The following CCNB3 variants were observed in gnomAD, a reference collection of about 807,000 sequenced individuals.
CCNB3 encodes the protein G2/mitotic-specific cyclin-B3.
CCNB3 carries 12 observed loss-of-function variants against 68.0 expected under a neutral mutation model. That is an observed-to-expected ratio of 0.18 (90% CI 0.11 to 0.29). The LOEUF is 0.29. CCNB3 is among the 10% of genes least tolerant of loss of function. The pLI is 1.00. For missense variants in CCNB3, 904 were observed against 993.1 expected (o/e 0.91, Z 1.21); for synonymous variants, 354 against 388.9 (o/e 0.91, Z 1.06).
Position 50,295,003 on chromosome X carries a change from A to C in CCNB3, c.335+10A>C. 8.4e-7 allele frequency: 1 copy of C among 1,196,828 alleles called. No homozygotes were observed. The highest frequency in any genetic ancestry group is 1.1e-6 in the Non-Finnish European group (1 of 886,515). ...AGCGGAATCTAAAATGGTGAGTGAA[A>C]GGGGACTCAGATGGCATTATTTTAG... On this transcript the variant is annotated intron_variant, in intron 5 of 12. Transcript: ENST00000376042.
chrX:50,287,534 A>C (rs1440313321), intron 3 of CCNB3, among the ~76,000 whole-genome samples: 1 of 112,199 alleles, frequency 8.9e-6, no homozygotes, highest in African/African-American at 3.2e-5. Flanking sequence ...ATCTTCAAGG[A>C]CTGTAAGGCA....
At chrX:50,221,663 A>G (rs907057054) in intron 1 of CCNB3, among the ~76,000 whole-genome samples, 231 of 111,519 alleles carry the variant, frequency 2.1e-3, no homozygotes, top group African/African-American at 6.5e-3. Context: ...GTTCTTTTGC[A>G]TTTGCTGAGG....
intron 1 of CCNB3, among the ~76,000 whole-genome samples, chrX:50,225,297 A>T (rs1935734806): frequency 9.0e-6 from 1 of 111,333 alleles, no homozygotes; most frequent in Admixed American, 9.7e-5. Flanking sequence ...AATACCAGGT[A>T]CAGAGAGTTT....
At chrX:50,342,379 T>C in intron 9 of CCNB3, 40 bp downstream of exon 9, 1 of 1,132,201 alleles carries the variant, frequency 8.8e-7, no homozygotes, top group South Asian at 2.1e-5. Flanking sequence ...CTAATCAAGT[T>C]TCTGTCCAAC....
At chrX:50,319,809 TA>T (rs1921923121) in intron 8 of CCNB3, among the ~76,000 whole-genome samples, 1 of 112,013 alleles carries the variant, frequency 8.9e-6, no homozygotes, top group Admixed American at 9.5e-5. Context: ...CTGCGTAATA[TA>T]TTTTTTTATC....
At chrX:50,329,922 TAGAAATTTATTCTG>T (rs1211613691) in intron 8 of CCNB3, among the ~76,000 whole-genome samples, 2 of 112,180 alleles carry the variant, frequency 1.8e-5, no homozygotes, top group Non-Finnish European at 1.9e-5. Flanking sequence ...CTTTTCTGCT[TAGAAATTTATTCTG>T]CCAGATATCC....
intron 8 of CCNB3, chrX:50,341,673 G>A (rs1923154613): frequency 9.1e-6 from 1 of 110,065 alleles, no homozygotes; most frequent in African/African-American, 3.3e-5. Context: ...AGGGAAGGAG[G>A]TTATATTATT....
At chrX:50,226,287 A>ATATAGAATATATATATT (rs1935789041) in intron 1 of CCNB3, among the ~76,000 whole-genome samples, 13 of 64,677 alleles carry the variant, frequency 2.0e-4, no homozygotes, top group Non-Finnish European at 2.8e-4. Flanking sequence ...ATATTTATAT[A>ATATAGAATATATATATT]TATAGAATAT....
intron 4 of CCNB3, 44 bp from the exon 5 acceptor site, chrX:50,294,819 G>A (rs1277333909): frequency 1.7e-6 from 2 of 1,161,875 alleles, no homozygotes; most frequent in Non-Finnish European, 2.3e-6. Context: ...TCATTTTCTT[G>A]CCTCCTTCTT....
chrX:50,213,858 A>G (rs1443205933), intron 1 of CCNB3, among the ~76,000 whole-genome samples: 5 of 111,007 alleles, frequency 4.5e-5, no homozygotes, highest in African/African-American at 1.3e-4. Context: ...CCCCTGTTTT[A>G]TTTCTTTTAA....
chrX:50,219,155 A>T (rs1179072206), intron 1 of CCNB3, among the ~76,000 whole-genome samples: 2 of 111,465 alleles, frequency 1.8e-5, no homozygotes, highest in Non-Finnish European at 3.8e-5. Flanking sequence ...AATTCTTTGT[A>T]GATTCTGGAT....
upstream of CCNB3, among the ~76,000 whole-genome samples, chrX:50,203,600 A>C (rs1467570599): frequency 5.3e-5 from 6 of 112,548 alleles, no homozygotes; most frequent in Admixed American, 1.9e-4. Flanking sequence ...GTCATTTTGA[A>C]CATCTTGGCA....
intron 5 of CCNB3, among the ~76,000 whole-genome samples, chrX:50,301,301 G>A (rs1936626262): frequency 9.0e-6 from 1 of 111,671 alleles, no homozygotes; most frequent in African/African-American, 3.3e-5. Flanking sequence ...GTGATGTACA[G>A]ATGGGTTTTT....
chrX:50,332,445 T>C, intron 8 of CCNB3, among the ~76,000 whole-genome samples: 1 of 111,932 alleles, frequency 8.9e-6, no homozygotes, highest in South Asian at 3.8e-4. Context: ...CTGACAGCAG[T>C]CCTCAATGTG....
intron 8 of CCNB3, among the ~76,000 whole-genome samples, chrX:50,317,543 T>TTATG (rs200015453): frequency 5.9e-4 from 59 of 99,710 alleles, no homozygotes; most frequent in East Asian, 2.2e-3. Flanking sequence ...GTATTTAAAT[T>TTATG]TATGTATGTA....
At chrX:50,226,836 A>G (rs1935840769) in intron 1 of CCNB3, among the ~76,000 whole-genome samples, 1 of 73,448 alleles carries the variant, frequency 1.4e-5, no homozygotes, top group Non-Finnish European at 2.3e-5. Context: ...ACATGAATAT[A>G]TATAGTATAT....
chrX:50,285,747 T>A (rs1243521612), intron 3 of CCNB3, among the ~76,000 whole-genome samples: 1 of 112,055 alleles, frequency 8.9e-6, no homozygotes, highest in Non-Finnish European at 1.9e-5. Flanking sequence ...TCATACATAT[T>A]TTAATCAGAA....
At position 50,351,775 on chromosome X, in the gene CCNB3, G is replaced by A. The variant is rs782305529; in HGVS notation, c.*72G>A. On this transcript the variant is annotated 3_prime_UTR_variant, in exon 13 of 13. Coordinates refer to ENST00000376042, the MANE Select transcript of CCNB3 (RefSeq NM_033031.3). ...CTATGTTCGAATTTGTCTTTTGATC[G>A]CTTTTATTCATTTTTCCTTTCTTTG... The A allele has an allele frequency of 8.0e-6, 6 of 749,124 alleles. No individual in the cohort carries two copies. The highest frequency in any genetic ancestry group is 6.5e-5 in the Admixed American group (2 of 30,875). 61.7% of individuals were successfully genotyped at this position (749,124 alleles called of 1,213,427 possible).
intron 4 of CCNB3, among the ~76,000 whole-genome samples, chrX:50,292,523 TTGA>T (rs1444689698): frequency 9.0e-6 from 1 of 111,572 alleles, no homozygotes; most frequent in African/African-American, 3.3e-5. Flanking sequence ...CTGTCTTTCA[TTGA>T]TGATGTTAAT....
Sources: allele counts gnomAD v4.1 joint callset (sites outside exome capture counted in the v4.1 genomes callset), GRCh38; gene constraint gnomAD v4.1.1; transcripts MANE v1.5; gene names NCBI Gene and HGNC (gene_info 2026-07-23, HGNC 2026-07-21).